Variants in PNKD observed in about 807,000 individuals in gnomAD.
PNKD encodes the protein probable thioesterase PNKD.
A neutral mutation model predicts 45.3 loss-of-function variants in PNKD; 36 were observed. That is an observed-to-expected ratio of 0.80 (90% CI 0.61 to 1.05). The LOEUF is 1.05. Among genes scored for constraint, PNKD ranks in the 50% least tolerant of loss-of-function variants. The pLI, the probability that PNKD is intolerant of heterozygous loss-of-function variation, is 0.00. For synonymous variants in PNKD, 197 were observed against 210.1 expected, an observed-to-expected ratio of 0.94 and a Z score of 0.54; for missense variants, 511 against 506.6, an observed-to-expected ratio of 1.01 and a Z score of -0.08.
chr2:218,295,409 A>G (rs530095074), intron 2 of PNKD, among the ~76,000 whole-genome samples: 1 of 152,320 alleles, frequency 6.6e-6, no homozygotes, highest in East Asian at 1.9e-4. Context: ...ATAAAGAAAT[A>G]TTCACTTGGT....
intron 2 of PNKD, chr2:218,273,031 TCA>T: frequency 1.0e-6 from 1 of 998,444 alleles, no homozygotes; most frequent in Non-Finnish European, 1.4e-6. Flanking sequence ...CTCACAGAGC[TCA>T]GTGTTCCCAG....
At chr2:218,303,574 CTTTT>C (rs59067154) in intron 2 of PNKD, among the ~76,000 whole-genome samples, 2 of 101,654 alleles carry the variant, frequency 2.0e-5, no homozygotes. Context: ...ACCTGCACTT[CTTTT>C]TTTTTTTTTT....
At chr2:218,327,439 G>A (rs997272554) in intron 2 of PNKD, among the ~76,000 whole-genome samples, 5 of 152,114 alleles carry the variant, frequency 3.3e-5, no homozygotes, top group African/African-American at 1.2e-4. Flanking sequence ...CTGGCAGGAG[G>A]GGAGCAGGAT....
At chr2:218,285,748 C>T (rs1692454221) in intron 2 of PNKD, 1 of 152,734 alleles carries the variant, frequency 6.5e-6, no homozygotes, top group African/African-American at 2.4e-5. Context: ...AGTTGCTAAA[C>T]TCAGCCACAC....
intron 5 of PNKD, chr2:218,341,004 G>C (rs1349674666): frequency 3.3e-6 from 2 of 602,710 alleles, no homozygotes; most frequent in Admixed American, 5.7e-5. Flanking sequence ...GGGCAGGGCA[G>C]TCATTTCTCT....
At position 218,340,315 on chromosome 2, in the gene PNKD, G is replaced by A. The variant is rs947636616; in HGVS notation, c.465+174G>A. On this transcript the variant is annotated intron_variant, in intron 4 of 9. Coordinates refer to ENST00000273077, the MANE Select transcript of PNKD (RefSeq NM_015488.5). This position sits in a 1 kb window ranked among gnomAD's most constrained non-coding sequence, Gnocchi z 4.2. Reference sequence around the variant, plus strand: ...CCTGGGGAAGGGGGGTACAGGGCATGGCTGGGCAGAAGGGGAGAGCAGGAG... The same window carrying A: ...CCTGGGGAAGGGGGGTACAGGGCATAGCTGGGCAGAAGGGGAGAGCAGGAG... Among the ~76,000 whole-genome samples the A allele has an allele frequency of 3.3e-5, 5 of 152,236 alleles. No individual in the cohort carries two copies. Among genetic ancestry groups the A allele is most frequent in the Middle Eastern group, 3.4e-3 (1 of 294 alleles).
At chr2:218,315,050 C>CTT (rs1272755006) in intron 2 of PNKD, among the ~76,000 whole-genome samples, 33 of 97,020 alleles carry the variant, frequency 3.4e-4, no homozygotes, top group African/African-American at 1.0e-3. Context: ...TTCTTTCTTT[C>CTT]TTTCTTTCTT....
At chr2:218,342,262 G>A (rs1694702507) in intron 7 of PNKD, 118 bp downstream of exon 7, 1 of 828,708 alleles carries the variant, frequency 1.2e-6, no homozygotes, top group Non-Finnish European at 2.0e-6. Context: ...TGCCGTGGCA[G>A]TTACTTCCAT....
chr2:218,330,150 G>A (rs375618847), intron 2 of PNKD, among the ~76,000 whole-genome samples: 33 of 152,182 alleles, frequency 2.2e-4, no homozygotes, highest in East Asian at 1.9e-3. Flanking sequence ...TGGCAATAGG[G>A]GCTTTCCAGA....
chr2:218,324,926 A>T, intron 2 of PNKD, among the ~76,000 whole-genome samples: 1 of 147,172 alleles, frequency 6.8e-6, no homozygotes, highest in African/African-American at 2.6e-5. Flanking sequence ...ACAGAGTGAG[A>T]CTCCGTCTCA....
intron 2 of PNKD, among the ~76,000 whole-genome samples, chr2:218,316,212 G>A (rs1427805677): frequency 6.6e-6 from 1 of 151,948 alleles, no homozygotes; most frequent in Non-Finnish European, 1.5e-5. Context: ...TGAGATAAAG[G>A]CAGAATGGAG....
At chr2:218,341,345 G>A (rs1206741835) in intron 5 of PNKD, among the ~76,000 whole-genome samples, 189 bp from the exon 6 acceptor site, 2 of 152,234 alleles carry the variant, frequency 1.3e-5, no homozygotes, top group Non-Finnish European at 2.9e-5. Flanking sequence ...GCATTGGCCA[G>A]CTTGAGTTGT....
chr2:218,312,608 C>T (rs1693649570), intron 2 of PNKD, among the ~76,000 whole-genome samples: 1 of 151,598 alleles, frequency 6.6e-6, no homozygotes, highest in Non-Finnish European at 1.5e-5. Flanking sequence ...AGGGATGGCT[C>T]ATGCCTGTAA....
chr2:218,276,136 C>T (rs1691184425), intron 2 of PNKD: 3 of 1,578,236 alleles, frequency 1.9e-6, no homozygotes, highest in Non-Finnish European at 1.7e-6. Flanking sequence ...CACAGGCCCA[C>T]AGGCCCCAGC....
chr2:218,340,281 C>T lies in PNKD; in HGVS notation c.465+140C>T. ...CTCCATGTTCACACGTGCACATGCG[C>T]ACACATAGCCTGGGGAAGGGGGGTA... On this transcript the variant is annotated intron_variant, in intron 4 of 9. Coordinates refer to ENST00000273077, the MANE Select transcript of PNKD (RefSeq NM_015488.5). This position sits in a 1 kb window ranked among gnomAD's most constrained non-coding sequence, Gnocchi z 4.2. The T allele has an allele frequency of 1.5e-6, 1 of 659,564 alleles. No individual in the cohort carries two copies. The highest frequency in any genetic ancestry group is 2.8e-6 in the Non-Finnish European group (1 of 363,414). The allele number at this position is 659,564 out of a possible 1,614,324, so 40.9% of individuals were successfully genotyped here.
chr2:218,336,559 C>T (rs1159407292), intron 2 of PNKD, among the ~76,000 whole-genome samples: 1 of 152,122 alleles, frequency 6.6e-6, no homozygotes, highest in Non-Finnish European at 1.5e-5. Flanking sequence ...TGGCTCACTG[C>T]AGCCTTGACC....
intron 2 of PNKD, among the ~76,000 whole-genome samples, chr2:218,323,828 G>C (rs1694065662): frequency 6.6e-6 from 1 of 152,164 alleles, no homozygotes; most frequent in Non-Finnish European, 1.5e-5. Flanking sequence ...CCGATGGCAA[G>C]TGCCGGAGAG....
chr2:218,271,781 T>C (rs1250150902), intron 2 of PNKD, among the ~76,000 whole-genome samples: 2 of 152,210 alleles, frequency 1.3e-5, no homozygotes, highest in Non-Finnish European at 2.9e-5. Flanking sequence ...TGATTCAGAC[T>C]TGGGTCCCTG....
intron 2 of PNKD, chr2:218,276,894 T>G (rs1186334124): frequency 2.4e-6 from 2 of 844,752 alleles, no homozygotes; most frequent in Admixed American, 4.1e-5. Flanking sequence ...CGAGAGGTTC[T>G]GGAGGTCAGA....
Sources: gnomAD v4.1 joint callset for allele counts (sites outside exome capture counted in the v4.1 genomes callset) on GRCh38, gnomAD v4.1.1 for gene constraint, Gnocchi (gnomAD v3.1) non-coding constraint, MANE v1.5 for transcripts, NCBI Gene and HGNC (gene_info 2026-07-23, HGNC 2026-07-21) for gene names.